Variants in SNX25 observed in about 807,000 individuals in gnomAD.
The protein encoded by SNX25 is sorting nexin-25.
Under a neutral mutation model 113.7 loss-of-function variants are expected in SNX25, and 62 were observed. That is an observed-to-expected ratio of 0.55 (90% CI 0.44 to 0.67). SNX25 has a LOEUF of 0.67. Among genes scored for constraint, SNX25 ranks in the 30% least tolerant of loss-of-function variants. The pLI is 0.00. For missense variants in SNX25, 1,014 were observed against 1,161.0 expected (o/e 0.87, Z 1.84); for synonymous variants, 421 against 436.2 (o/e 0.97, Z 0.43).
chr4:185,217,373 A>C (rs1739037252), intron 1 of SNX25, among the ~76,000 whole-genome samples: 2 of 152,158 alleles, frequency 1.3e-5, no homozygotes, highest in African/African-American at 4.8e-5. Context: ...TCTTTGATAC[A>C]ATTCTCATTA....
chr4:185,326,599 G>A (rs1025911331), intron 9 of SNX25, among the ~76,000 whole-genome samples: 1 of 152,046 alleles, frequency 6.6e-6, no homozygotes, highest in Non-Finnish European at 1.5e-5. Context: ...AGAATTATAG[G>A]CGTCTCCCAA....
At chr4:185,247,912 T>C in intron 2 of SNX25, among the ~76,000 whole-genome samples, 1 of 152,328 alleles carries the variant, frequency 6.6e-6, no homozygotes. Flanking sequence ...TTAAAAAATA[T>C]ATTTTGAACA....
At chr4:185,265,128 G>A (rs1747871523) in intron 4 of SNX25, among the ~76,000 whole-genome samples, 1 of 152,152 alleles carries the variant, frequency 6.6e-6, no homozygotes, top group Admixed American at 6.5e-5. Context: ...AACCATCCCT[G>A]ACCACAGTCA....
At chr4:185,277,118 G>A (rs1749818032) in intron 5 of SNX25, among the ~76,000 whole-genome samples, 1 of 152,054 alleles carries the variant, frequency 6.6e-6, no homozygotes, top group South Asian at 2.1e-4. Context: ...TCTGCCTCTC[G>A]GGTTCAAGTG....
chr4:185,224,368 A>G (rs188652708), intron 1 of SNX25, among the ~76,000 whole-genome samples: 1 of 146,452 alleles, frequency 6.8e-6, no homozygotes, highest in Non-Finnish European at 1.5e-5. Flanking sequence ...TATATATATA[A>G]AAATATATAG....
chr4:185,211,825 C>G (rs1449554536), intron 1 of SNX25, among the ~76,000 whole-genome samples: 2 of 152,100 alleles, frequency 1.3e-5, no homozygotes, highest in Non-Finnish European at 2.9e-5. Flanking sequence ...TATTGCAGAC[C>G]ATCTCCCAGG....
chr4:185,210,218 G>T lies in SNX25; in HGVS notation c.392G>T (p.Arg131Leu). 1 of 984,734 alleles carries T rather than the reference G, an allele frequency of 1.0e-6. No homozygotes were observed. Among genetic ancestry groups the T allele is most frequent in the Non-Finnish European group, 1.2e-6 (1 of 830,004 alleles). The allele number at this position is 984,734 out of a possible 1,614,324, so 61.0% of individuals were successfully genotyped here. ...QPPDFAAAWS[R>L]LAATSAARRP... is the part of the protein sequence containing the mutation. The stretch of plus-strand genomic sequence containing the variant: ...CCCGACTTCGCCGCCGCCTGGAGCC[G>T]GCTGGCCGCGACCTCAGCCGCCCGC... The change falls in exon 1 of 19, where the codon CGG (arginine) becomes CTG (leucine). Residue 131 changes from arginine (R) to leucine (L), a missense_variant. Arg to Leu is a moderately radical substitution (Grantham distance 102). Transcript: ENST00000652585. This position sits in a 1 kb window ranked among gnomAD's most constrained non-coding sequence, Gnocchi z 4.4.
At chr4:185,344,547 G>A (rs1418705389) in intron 12 of SNX25, among the ~76,000 whole-genome samples, 1 of 152,194 alleles carries the variant, frequency 6.6e-6, no homozygotes, top group African/African-American at 2.4e-5. Context: ...GAAAGAAAGG[G>A]AGTGGAGGTT....
chr4:185,287,589 G>C (rs1263219786), intron 5 of SNX25, among the ~76,000 whole-genome samples: 2 of 152,232 alleles, frequency 1.3e-5, no homozygotes, highest in Non-Finnish European at 2.9e-5. Flanking sequence ...TGGCTAGTGT[G>C]ATTGAGGAAC....
chr4:185,360,397 G>T (rs951837873), intron 16 of SNX25, among the ~76,000 whole-genome samples: 3 of 152,238 alleles, frequency 2.0e-5, no homozygotes, highest in Non-Finnish European at 2.9e-5. Flanking sequence ...ATCTACTGCA[G>T]ATGTTATTTC....
rs1404729046 is a variant in SNX25, at chr4:185,363,511, C to T, written c.*46C>T. ...AGAAAAATGTCTGTGTAATAATAGACATGAAACATTTTCCTCTTTTCCACA... is the reference window on the plus strand; with the variant it reads ...AGAAAAATGTCTGTGTAATAATAGATATGAAACATTTTCCTCTTTTCCACA... On this transcript the variant is annotated 3_prime_UTR_variant, in exon 19 of 19. Coordinates refer to ENST00000652585, the MANE Select transcript of SNX25 (RefSeq NM_001378034.2). The surrounding 1 kb of genome is among the most constrained non-coding windows in gnomAD (Gnocchi z 4.2). The T allele has an allele frequency of 4.2e-5, 66 of 1,568,874 alleles. 1 individual carries two copies. In the Admixed American group the frequency reaches 1.1e-3, roughly 26 times the overall value.
exon 12 of SNX25, chr4:185,370,006 C>T (rs1176252223): frequency 5.0e-6 from 1 of 199,730 alleles, no homozygotes; most frequent in Non-Finnish European, 1.0e-5. Flanking sequence ...TGTGATGGAC[C>T]TAAGATGTGC....
chr4:185,339,684 A>T (rs1243960072), intron 11 of SNX25, among the ~76,000 whole-genome samples, 174 bp downstream of exon 11: 3 of 152,200 alleles, frequency 2.0e-5, no homozygotes, highest in Non-Finnish European at 2.9e-5. Flanking sequence ...CATGACTGGG[A>T]ACTATACAAG....
chr4:185,312,572 G>T (rs1355515263), intron 7 of SNX25, among the ~76,000 whole-genome samples: 1 of 151,332 alleles, frequency 6.6e-6, no homozygotes, highest in Admixed American at 6.6e-5. Context: ...GCCCAGGCTG[G>T]CATGCATTGG....
chr4:185,324,355 C>T (rs1320137318), intron 9 of SNX25, among the ~76,000 whole-genome samples: 6 of 152,150 alleles, frequency 3.9e-5, no homozygotes, highest in Non-Finnish European at 7.4e-5. Context: ...GAAAGAAACA[C>T]GAAAGACAGG....
chr4:185,235,100 C>T (rs958475692), intron 1 of SNX25, among the ~76,000 whole-genome samples: 1 of 152,212 alleles, frequency 6.6e-6, no homozygotes, highest in African/African-American at 2.4e-5. Context: ...GTCTCTCGGT[C>T]TATCTTAATA....
chr4:185,350,658 C>T (rs187357785), intron 13 of SNX25, among the ~76,000 whole-genome samples: 20 of 152,164 alleles, frequency 1.3e-4, no homozygotes, highest in Admixed American at 5.9e-4. Context: ...GTCAGGAGCT[C>T]GAGATCAGCC....
intron 1 of SNX25, among the ~76,000 whole-genome samples, chr4:185,229,566 T>A (rs996581455): frequency 6.6e-6 from 1 of 152,188 alleles, no homozygotes; most frequent in Non-Finnish European, 1.5e-5. Context: ...TGAGGGTGGG[T>A]AGAATGGGTG....
At chr4:185,257,734 A>T (rs898012355) in intron 2 of SNX25, among the ~76,000 whole-genome samples, 1 of 152,040 alleles carries the variant, frequency 6.6e-6, no homozygotes, top group Non-Finnish European at 1.5e-5. Context: ...TAAAACTTAC[A>T]TATGTGGCTC....
Sources: allele counts gnomAD v4.1 joint callset (sites outside exome capture counted in the v4.1 genomes callset), GRCh38; gene constraint gnomAD v4.1.1; non-coding constraint Gnocchi (gnomAD v3.1); transcripts MANE v1.5; gene names NCBI Gene and HGNC (gene_info 2026-07-23, HGNC 2026-07-21).